The following CDC42BPA variants were observed in gnomAD, a reference collection of about 807,000 sequenced individuals.
CDC42BPA encodes serine/threonine-protein kinase MRCK alpha.
CDC42BPA carries 80 observed loss-of-function variants against 223.5 expected under a neutral mutation model. The ratio of observed to expected loss-of-function variants is 0.36; its 90% confidence interval spans 0.30 to 0.43. The LOEUF is 0.43. CDC42BPA is among the 20% of genes least tolerant of loss of function. CDC42BPA has a pLI of 1.00. For missense variants in CDC42BPA, 1,743 were observed against 2,099.9 expected (o/e 0.83, Z 3.32); for synonymous variants, 694 against 718.6 (o/e 0.97, Z 0.55).
intron 1 of CDC42BPA, among the ~76,000 whole-genome samples, chr1:227,310,199 A>T (rs527834272): frequency 4.8e-4 from 73 of 152,298 alleles, no homozygotes; most frequent in South Asian, 1.2e-3. Context: ...AGTCAGATAA[A>T]CTTCATAAAT....
At chr1:227,277,572 T>C (rs1246035660) in intron 1 of CDC42BPA, among the ~76,000 whole-genome samples, 1 of 152,190 alleles carries the variant, frequency 6.6e-6, no homozygotes. Context: ...AATCCAGGAA[T>C]TTAAAACTGA....
chr1:227,056,802 T>C (rs1225748059), intron 21 of CDC42BPA, among the ~76,000 whole-genome samples: 2 of 152,230 alleles, frequency 1.3e-5, no homozygotes, highest in Non-Finnish European at 1.5e-5. Context: ...TCAAATCTTT[T>C]AGTGATATAT....
chr1:227,093,593 C>A (rs909586498), intron 15 of CDC42BPA, among the ~76,000 whole-genome samples: 40 of 152,200 alleles, frequency 2.6e-4, no homozygotes, highest in African/African-American at 9.4e-4. Context: ...TAACTCATAC[C>A]CTATAGTTCA....
intron 1 of CDC42BPA, among the ~76,000 whole-genome samples, chr1:227,302,746 A>C (rs1215336089): frequency 6.6e-6 from 1 of 151,838 alleles, no homozygotes; most frequent in South Asian, 2.1e-4. Context: ...CCTATCATTC[A>C]TCAGATTATT....
intron 2 of CDC42BPA, among the ~76,000 whole-genome samples, chr1:227,217,177 T>C (rs1167838663): frequency 6.6e-6 from 1 of 152,120 alleles, no homozygotes; most frequent in African/African-American, 2.4e-5. Context: ...TACTATTACA[T>C]GGCTCATGTC....
chr1:227,071,513 T>A (rs1242118701), intron 20 of CDC42BPA, among the ~76,000 whole-genome samples: 1 of 151,846 alleles, frequency 6.6e-6, no homozygotes, highest in African/African-American at 2.4e-5. Context: ...TTCACATGAA[T>A]GGAAAAATGT....
intron 23 of CDC42BPA, among the ~76,000 whole-genome samples, chr1:227,045,365 C>A (rs1399369515): frequency 6.6e-6 from 1 of 152,124 alleles, no homozygotes; most frequent in Non-Finnish European, 1.5e-5. Context: ...TGGATGTGAT[C>A]TTTTTTAAAT....
At chr1:227,206,925 AT>A (rs1558762107) in intron 3 of CDC42BPA, among the ~76,000 whole-genome samples, 3 of 151,138 alleles carry the variant, frequency 2.0e-5, no homozygotes, top group Non-Finnish European at 4.4e-5. Context: ...TATCTTTTTT[AT>A]TATTTTATTT....
intron 1 of CDC42BPA, chr1:227,265,065 C>A: frequency 1.3e-6 from 1 of 777,188 alleles, no homozygotes; most frequent in African/African-American, 1.7e-5. Context: ...GGAAAAAAAT[C>A]CTGCATTGCA....
chr1:227,204,836 A>G (rs931736385), intron 3 of CDC42BPA, among the ~76,000 whole-genome samples: 1 of 152,164 alleles, frequency 6.6e-6, no homozygotes, highest in African/African-American at 2.4e-5. Flanking sequence ...AAGAATTCAC[A>G]CTACCGATAA....
At position 227,179,584 on chromosome 1, in the gene CDC42BPA, C is replaced by T. The variant is rs373011036; in HGVS notation, c.599+14202G>A. 1.4e-4 allele frequency among the ~76,000 whole-genome samples: 17 copies of T among 117,528 alleles called. No individual in the cohort carries two copies. The South Asian group carries it at 4.8e-3, about 33-fold the overall frequency. 77.1% of individuals were successfully genotyped at this position (117,528 alleles called of 152,430 possible). A position where few individuals can be genotyped will look rare whatever the true frequency, so the allele number is the denominator to read the frequency against. ...CCGGGAGGTGGAGCTTGCAGTGAGC[C>T]GAGATTGTGCCACTGCACTCCAGCC... On this transcript the variant is annotated intron_variant, in intron 5 of 36. Transcript: ENST00000366766.
chr1:227,224,407 T>A (rs1289039121), intron 2 of CDC42BPA, among the ~76,000 whole-genome samples: 1 of 152,042 alleles, frequency 6.6e-6, no homozygotes, highest in African/African-American at 2.4e-5. Flanking sequence ...TAATTTTGTA[T>A]GTTTAGTAGA....
At chr1:227,071,716 C>A (rs1426081945) in intron 20 of CDC42BPA, among the ~76,000 whole-genome samples, 20 of 2,482 alleles carry the variant, frequency 8.1e-3, no homozygotes, top group South Asian at 0.033. Flanking sequence ...TGAATCCCAC[C>A]CCCCCCCCCC....
At chr1:226,998,575 G>A (rs1397184202) in intron 35 of CDC42BPA, among the ~76,000 whole-genome samples, 1 of 152,188 alleles carries the variant, frequency 6.6e-6, no homozygotes, top group Non-Finnish European at 1.5e-5. Flanking sequence ...ATGGTGTTGG[G>A]AAAACTGGCT....
At chr1:227,064,357 T>C (rs1478570528) in intron 21 of CDC42BPA, among the ~76,000 whole-genome samples, 2 of 152,220 alleles carry the variant, frequency 1.3e-5, no homozygotes, top group African/African-American at 2.4e-5. Context: ...GTTTCTCAAA[T>C]ATAAAGAGCA....
chr1:227,035,696 T>C lies in CDC42BPA; in HGVS notation c.3200-89A>G, dbSNP rs529651821. ...ACTCACTGCATACAAGATGCTATGT[T>C]AGATGAATGCTTATCTCCAATTTTA... On this transcript the variant is annotated intron_variant, in intron 24 of 36. Transcript: ENST00000366766. The C allele has an allele frequency of 9.8e-5, 83 of 843,514 alleles. No homozygotes were observed. The Middle Eastern group carries it at 2.8e-3, about 28-fold the overall frequency. 52.3% of individuals were successfully genotyped at this position (843,514 alleles called of 1,614,324 possible). A position where few individuals can be genotyped will look rare whatever the true frequency, so the allele number is the denominator to read the frequency against.
At chr1:227,269,732 G>A (rs1051924422) in intron 1 of CDC42BPA, among the ~76,000 whole-genome samples, 2 of 151,952 alleles carry the variant, frequency 1.3e-5, no homozygotes, top group African/African-American at 4.8e-5. Flanking sequence ...AAACCATATG[G>A]AAAATGTCTA....
intron 1 of CDC42BPA, among the ~76,000 whole-genome samples, chr1:227,294,136 G>A (rs1690187965): frequency 6.6e-6 from 1 of 151,784 alleles, no homozygotes; most frequent in African/African-American, 2.4e-5. Context: ...GCTGGGCGTG[G>A]TGGCAGGCAC....
chr1:227,303,689 C>T (rs1440125701), intron 1 of CDC42BPA, among the ~76,000 whole-genome samples: 3 of 152,198 alleles, frequency 2.0e-5, no homozygotes, highest in Non-Finnish European at 4.4e-5. Flanking sequence ...TTCACCACTG[C>T]TAATTTGGAA....
Sources: gnomAD v4.1 joint callset for allele counts (sites outside exome capture counted in the v4.1 genomes callset) on GRCh38, gnomAD v4.1.1 for gene constraint, MANE v1.5 for transcripts, NCBI Gene and HGNC (gene_info 2026-07-23, HGNC 2026-07-21) for gene names.